The following LRFN5 variants were observed in gnomAD, a reference collection of about 807,000 sequenced individuals.
LRFN5 encodes leucine rich repeat and fibronectin type III domain containing 5.
Under a neutral mutation model 45.6 loss-of-function variants are expected in LRFN5, and 24 were observed. That is an observed-to-expected ratio of 0.53 (90% CI 0.38 to 0.74). The LOEUF is 0.74. Among genes scored for constraint, LRFN5 ranks in the 30% least tolerant of loss-of-function variants. The pLI, the probability that LRFN5 is intolerant of heterozygous loss-of-function variation, is 0.00. For synonymous variants in LRFN5, 340 were observed against 313.8 expected (o/e 1.08, Z -0.88); for missense variants, 776 against 861.5 (o/e 0.90, Z 1.24).
At chr14:41,850,147 T>C (rs1435870381) in intron 2 of LRFN5, among the ~76,000 whole-genome samples, 2 of 151,988 alleles carry the variant, frequency 1.3e-5, no homozygotes, top group African/African-American at 2.4e-5. Flanking sequence ...GCATGTATTA[T>C]GTACATGTAT....
chr14:41,813,544 A>G (rs1451529176), intron 2 of LRFN5, among the ~76,000 whole-genome samples: 1 of 152,160 alleles, frequency 6.6e-6, no homozygotes. Context: ...TTATGGCTGC[A>G]TAGTATTCCA....
At chr14:41,623,512 C>A in intron 1 of LRFN5, among the ~76,000 whole-genome samples, 1 of 152,080 alleles carries the variant, frequency 6.6e-6, no homozygotes, top group East Asian at 1.9e-4. Context: ...GGCATGTCAG[C>A]AAAGTAATCA....
intron 1 of LRFN5, among the ~76,000 whole-genome samples, chr14:41,674,232 C>T (rs1207503228): frequency 7.8e-4 from 92 of 117,504 alleles, no homozygotes; most frequent in Non-Finnish European, 1.2e-3. Context: ...CCGGACGGGG[C>T]GGCTGGCCGG....
At chr14:41,869,605 T>A (rs1378913048) in intron 2 of LRFN5, among the ~76,000 whole-genome samples, 1 of 152,074 alleles carries the variant, frequency 6.6e-6, no homozygotes, top group Non-Finnish European at 1.5e-5. Flanking sequence ...TACCCAAGAC[T>A]GGATAATTTA....
rs572050991 is a variant in LRFN5, at chr14:41,674,381, AC to A, written c.-197+65826del. On this transcript the variant is annotated intron_variant, in intron 1 of 5. Coordinates refer to ENST00000298119, the MANE Select transcript of LRFN5 (RefSeq NM_152447.5). The stretch of plus-strand genomic sequence containing the variant: ...GGGCGGCTGGCCGGGCGGGGGGCTG[AC>A]CCCCCCACCTCCCTCCCGGACGGGG... Among the ~76,000 whole-genome samples the A allele has an allele frequency of 4.3e-4, 48 of 110,878 alleles. 1 individual carries two copies. The highest frequency in any genetic ancestry group is 1.4e-3 in the East Asian group (5 of 3,640). 72.7% of individuals were successfully genotyped at this position (110,878 alleles called of 152,430 possible).
rs140253534 is a variant in LRFN5, at chr14:41,783,940, A to G, written c.-21+16911A>G. Among the ~76,000 whole-genome samples, 1,014 of 152,254 alleles carry G rather than the reference A, an allele frequency of 6.7e-3. 8 individuals carry two copies. Among genetic ancestry groups the G allele is most frequent in the Non-Finnish European group, 9.0e-3 (611 of 68,008 alleles). ...ATTTTTGTGTTATAAGAAAAGTTCT[A>G]TAGTACCCAAATCATGAATATACTC... is the stretch of plus-strand genomic sequence containing the variant. On this transcript the variant is annotated intron_variant, in intron 2 of 5. Transcript: ENST00000298119.
chr14:41,837,686 A>C (rs534308850), intron 2 of LRFN5, among the ~76,000 whole-genome samples: 1 of 152,076 alleles, frequency 6.6e-6, no homozygotes, highest in Non-Finnish European at 1.5e-5. Flanking sequence ...GTTCTTCTAG[A>C]GACACTTTAA....
intron 1 of LRFN5, among the ~76,000 whole-genome samples, chr14:41,727,503 G>A (rs1395598633): frequency 1.3e-5 from 2 of 152,128 alleles, no homozygotes; most frequent in Non-Finnish European, 2.9e-5. Flanking sequence ...GCACACTTGT[G>A]TAGTTCTAGC....
At chr14:41,737,006 C>T (rs1266750091) in intron 1 of LRFN5, among the ~76,000 whole-genome samples, 1 of 152,110 alleles carries the variant, frequency 6.6e-6, no homozygotes, top group Admixed American at 6.6e-5. Flanking sequence ...TTTTCTGAGG[C>T]CAGCATCATC....
intron 1 of LRFN5, among the ~76,000 whole-genome samples, chr14:41,697,009 G>A (rs73297705): frequency 0.045 from 6,861 of 151,926 alleles, 512 homozygotes; most frequent in African/African-American, 0.16. Flanking sequence ...CACAGTTTTT[G>A]TATCTTTCAA....
At chr14:41,747,021 T>C (rs1884948231) in intron 1 of LRFN5, among the ~76,000 whole-genome samples, 1 of 151,852 alleles carries the variant, frequency 6.6e-6, no homozygotes, top group South Asian at 2.1e-4. Context: ...CCTTACAGAA[T>C]GAAAACTACA....
chr14:41,712,382 TGACATCTCTATGACATA>T (rs897110666), intron 1 of LRFN5, among the ~76,000 whole-genome samples: 3 of 152,108 alleles, frequency 2.0e-5, no homozygotes, highest in Admixed American at 6.6e-5. Flanking sequence ...GGCAACCTAG[TGACATCTCTATGACATA>T]GACATCTCTA....
chr14:41,651,972 C>T (rs985158538), intron 1 of LRFN5, among the ~76,000 whole-genome samples: 2 of 151,830 alleles, frequency 1.3e-5, no homozygotes, highest in African/African-American at 4.8e-5. Flanking sequence ...CAATACCAGT[C>T]AGACTGGATT....
chr14:41,611,021 G>T (rs954745428), intron 1 of LRFN5, among the ~76,000 whole-genome samples: 2 of 152,102 alleles, frequency 1.3e-5, no homozygotes, highest in Non-Finnish European at 2.9e-5. Flanking sequence ...TGGAAAATAA[G>T]GTGTTTTCAT....
chr14:41,838,007 C>T (rs1191429197), intron 2 of LRFN5, among the ~76,000 whole-genome samples: 1 of 152,152 alleles, frequency 6.6e-6, no homozygotes, highest in African/African-American at 2.4e-5. Context: ...AATTGTGCAT[C>T]ATCTAAAAAG....
At chr14:41,693,128 ATTAT>A (rs1882454969) in intron 1 of LRFN5, among the ~76,000 whole-genome samples, 1 of 152,052 alleles carries the variant, frequency 6.6e-6, no homozygotes, top group Non-Finnish European at 1.5e-5. Flanking sequence ...TACAATCTTG[ATTAT>A]TTAAGTGTAG....
chr14:41,618,775 C>G (rs78404474), intron 1 of LRFN5, among the ~76,000 whole-genome samples: 1 of 152,296 alleles, frequency 6.6e-6, no homozygotes, highest in East Asian at 1.9e-4. Context: ...GCCTGGCTCT[C>G]TTTTTAAAAA....
chr14:41,827,395 A>G (rs1411537579), intron 2 of LRFN5, among the ~76,000 whole-genome samples: 1 of 152,130 alleles, frequency 6.6e-6, no homozygotes, highest in East Asian at 1.9e-4. Context: ...TTGAATGCAT[A>G]AGAATAAAGA....
intron 2 of LRFN5, among the ~76,000 whole-genome samples, chr14:41,770,668 C>T (rs1045443724): frequency 6.6e-6 from 1 of 152,166 alleles, no homozygotes; most frequent in Admixed American, 6.5e-5. Context: ...TAGCCCTGTG[C>T]CTGTGGCTTT....
Sources: allele counts gnomAD v4.1 joint callset (sites outside exome capture counted in the v4.1 genomes callset), GRCh38; gene constraint gnomAD v4.1.1; transcripts MANE v1.5; gene names NCBI Gene and HGNC (gene_info 2026-07-23, HGNC 2026-07-21).